HPSE2: variants seen among roughly 807,000 people sequenced by gnomAD.
The protein encoded by HPSE2 is inactive heparanase-2.
HPSE2 carries 38 observed loss-of-function variants against 60.5 expected under a neutral mutation model. The observed-to-expected ratio is 0.63, with a 90% CI of 0.48 to 0.82. The LOEUF is 0.82. HPSE2 is among the 40% of genes least tolerant of loss of function. The pLI, the probability that HPSE2 is intolerant of heterozygous loss-of-function variation, is 0.00. For missense variants in HPSE2, 713 were observed against 740.4 expected (o/e 0.96, Z 0.43); for synonymous variants, 295 against 293.2 (o/e 1.01, Z -0.06).
intron 3 of HPSE2, among the ~76,000 whole-genome samples, chr10:98,753,602 C>T (rs1300699322): frequency 6.6e-6 from 1 of 152,176 alleles, no homozygotes; most frequent in Non-Finnish European, 1.5e-5. Flanking sequence ...TGGCACCTTC[C>T]ATCAGAGTGT....
intron 3 of HPSE2, among the ~76,000 whole-genome samples, chr10:98,778,502 T>C (rs1950396807): frequency 1.3e-5 from 2 of 151,878 alleles, no homozygotes; most frequent in South Asian, 4.2e-4. Flanking sequence ...GTCAAGTAAG[T>C]TTTATCTAGC....
chr10:98,493,154 C>G (rs1336805207), intron 9 of HPSE2, among the ~76,000 whole-genome samples: 1 of 152,154 alleles, frequency 6.6e-6, no homozygotes, highest in Non-Finnish European at 1.5e-5. Flanking sequence ...GAATTTTCTT[C>G]TTTTGTAAGG....
At chr10:99,058,304 C>A (rs1958159112) in intron 3 of HPSE2, among the ~76,000 whole-genome samples, 1 of 152,162 alleles carries the variant, frequency 6.6e-6, no homozygotes, top group South Asian at 2.1e-4. Context: ...TTCAAATGTT[C>A]CCCAAATTAG....
Position 98,929,266 on chromosome 10 carries a change from T to C in HPSE2, c.611-185210A>G, listed in dbSNP as rs1260648239. ...TGGAAGCTTCAGCATCAGTGGACAC[T>C]GCAGATCCTATAATCTTCCATTTTT... is the stretch of plus-strand genomic sequence containing the variant. On this transcript the variant is annotated intron_variant, in intron 3 of 11. Coordinates refer to ENST00000370552, the MANE Select transcript of HPSE2 (RefSeq NM_021828.5). Among the ~76,000 whole-genome samples, 2 of 143,620 alleles carry C rather than the reference T, an allele frequency of 1.4e-5. 1 individual carries two copies. The highest frequency in any genetic ancestry group is 5.7e-5 in the African/African-American group (2 of 35,234). 94.2% of individuals were successfully genotyped at this position (143,620 alleles called of 152,430 possible). A position where few individuals can be genotyped will look rare whatever the true frequency, so the allele number is the denominator to read the frequency against.
At chr10:99,026,994 C>T (rs1321034213) in intron 3 of HPSE2, among the ~76,000 whole-genome samples, 2 of 151,856 alleles carry the variant, frequency 1.3e-5, no homozygotes, top group African/African-American at 2.4e-5. Context: ...AATTTTATGG[C>T]TATAAGTGCT....
intron 9 of HPSE2, among the ~76,000 whole-genome samples, chr10:98,587,206 T>A (rs898028057): frequency 6.6e-6 from 1 of 152,246 alleles, no homozygotes; most frequent in African/African-American, 2.4e-5. Context: ...TACTTTCATT[T>A]GAATGACTTG....
chr10:99,145,921 G>C (rs1846036588), intron 2 of HPSE2, among the ~76,000 whole-genome samples: 1 of 152,170 alleles, frequency 6.6e-6, no homozygotes, highest in Non-Finnish European at 1.5e-5. Flanking sequence ...AGCCAGATGT[G>C]AAAATGGTCC....
chr10:98,475,120 A>ATTTTT (rs56097343), intron 11 of HPSE2, among the ~76,000 whole-genome samples: 7 of 141,356 alleles, frequency 5.0e-5, no homozygotes, highest in South Asian at 2.2e-4. Context: ...CCACAATTCT[A>ATTTTT]TTTTTTTTTT....
intron 6 of HPSE2, among the ~76,000 whole-genome samples, chr10:98,685,223 G>C (rs936060593): frequency 1.6e-4 from 24 of 152,112 alleles, no homozygotes; most frequent in African/African-American, 5.8e-4. Flanking sequence ...CACGTCATCA[G>C]GCAAACCACT....
At chr10:98,612,974 C>T (rs1015166673) in intron 9 of HPSE2, among the ~76,000 whole-genome samples, 3 of 152,130 alleles carry the variant, frequency 2.0e-5, no homozygotes, top group Non-Finnish European at 4.4e-5. Context: ...TTTCCGCAAA[C>T]GTGCCAAGTT....
At chr10:98,488,510 ATCACGTG>A (rs1234948408) in intron 10 of HPSE2, among the ~76,000 whole-genome samples, 5 of 152,230 alleles carry the variant, frequency 3.3e-5, no homozygotes, top group Admixed American at 1.3e-4. Flanking sequence ...AACACTCGAG[ATCACGTG>A]AGGAGGCTTC....
chr10:99,309,090 T>A, the HPSE2 span, among the ~76,000 whole-genome samples: 1 of 152,076 alleles, frequency 6.6e-6, no homozygotes. Flanking sequence ...AGACCACACA[T>A]TGTATGACTC....
At chr10:99,144,437 AAAAC>A in intron 2 of HPSE2, 38 bp from the exon 3 acceptor site, 1 of 1,605,406 alleles carries the variant, frequency 6.2e-7, no homozygotes, top group Non-Finnish European at 8.5e-7. Context: ...AGCAAAAACT[AAAAC>A]AAAACAAAAA....
intron 2 of HPSE2, among the ~76,000 whole-genome samples, chr10:99,209,167 C>T (rs989571160): frequency 2.0e-5 from 3 of 152,130 alleles, no homozygotes; most frequent in African/African-American, 4.8e-5. Context: ...TAAAACATTC[C>T]ATCCAACAGC....
intron 9 of HPSE2, among the ~76,000 whole-genome samples, chr10:98,520,066 A>G (rs2133770261): frequency 6.6e-6 from 1 of 152,330 alleles, no homozygotes; most frequent in Admixed American, 6.5e-5. Context: ...GAGACTTTAA[A>G]AAAAGCATTT....
intron 3 of HPSE2, among the ~76,000 whole-genome samples, chr10:98,763,371 AAAAACCAAAAC>A (rs1950048980): frequency 6.6e-6 from 1 of 152,100 alleles, no homozygotes; most frequent in Non-Finnish European, 1.5e-5. Context: ...AATGTAAACT[AAAAACCAAAAC>A]AAAACCCATA....
chr10:99,158,734 C>T (rs1458202822), intron 2 of HPSE2, among the ~76,000 whole-genome samples: 2 of 148,596 alleles, frequency 1.3e-5, no homozygotes, highest in African/African-American at 5.0e-5. Context: ...TACCCTAAAA[C>T]TTAAAGTATA....
At chr10:98,558,713 T>G (rs567329082) in intron 9 of HPSE2, among the ~76,000 whole-genome samples, 2 of 152,350 alleles carry the variant, frequency 1.3e-5, no homozygotes, top group East Asian at 3.9e-4. Flanking sequence ...GAACATTCAT[T>G]GAAAATTCAC....
intron 3 of HPSE2, among the ~76,000 whole-genome samples, chr10:98,998,465 T>C (rs1372436562): frequency 2.0e-5 from 3 of 152,230 alleles, no homozygotes; most frequent in African/African-American, 7.2e-5. Context: ...TGGCTGGTAG[T>C]ATCTGCCTAA....
Sources: allele counts gnomAD v4.1 joint callset (sites outside exome capture counted in the v4.1 genomes callset), GRCh38; gene constraint gnomAD v4.1.1; transcripts MANE v1.5; gene names NCBI Gene and HGNC (gene_info 2026-07-23, HGNC 2026-07-21).